ADGRE3: variants seen among roughly 807,000 people sequenced by gnomAD.
ADGRE3 encodes adhesion G protein-coupled receptor E3.
ADGRE3 carries 88 observed loss-of-function variants against 80.1 expected under a neutral mutation model. The ratio of observed to expected loss-of-function variants is 1.10; its 90% confidence interval spans 0.93 to 1.31. The LOEUF is 1.31. Among genes scored for constraint, ADGRE3 ranks in the 40% most tolerant of loss-of-function variants. The pLI is 0.00. For synonymous variants in ADGRE3, 281 were observed against 294.8 expected (o/e 0.95, Z 0.48); for missense variants, 715 against 776.5 (o/e 0.92, Z 0.94).
chr19:14,619,244 A>G lies in ADGRE3; in HGVS notation c.*189T>C, dbSNP rs2075102548. 1.6e-6 allele frequency: 1 copy of G among 613,448 alleles called. No homozygotes were observed. The highest frequency in any genetic ancestry group is 2.9e-6 in the Non-Finnish European group (1 of 346,584). 38.0% of individuals were successfully genotyped at this position (613,448 alleles called of 1,614,324 possible). A position where few individuals can be genotyped will look rare whatever the true frequency, so the allele number is the denominator to read the frequency against. ...ATTGACTGAATACACCATAGTGAAGAGAAATGCAATTTACCACACATTTGT... is the reference window on the plus strand; with the variant it reads ...ATTGACTGAATACACCATAGTGAAGGGAAATGCAATTTACCACACATTTGT... On this transcript the variant is annotated 3_prime_UTR_variant, in exon 16 of 16. Coordinates refer to ENST00000253673, the MANE Select transcript of ADGRE3 (RefSeq NM_032571.5).
intron 14 of ADGRE3, among the ~76,000 whole-genome samples, chr19:14,626,393 C>T (rs1044496055): frequency 4.0e-5 from 6 of 151,882 alleles, no homozygotes; most frequent in East Asian, 3.9e-4. Flanking sequence ...GCTGAGATCA[C>T]GGCACTGCAC....
At chr19:14,668,778 T>C (rs1270458478) in intron 2 of ADGRE3, 24 bp downstream of exon 2, 1 of 1,611,646 alleles carries the variant, frequency 6.2e-7, no homozygotes, top group Non-Finnish European at 8.5e-7. Context: ...CCACAAGTTC[T>C]CTGTTCTGGC....
rs373067590 is a variant in ADGRE3 at position 14,647,339 on chromosome 19, A to T, written c.724T>A (p.Tyr242Asn). 8 of 1,611,204 alleles carry T rather than the reference A, an allele frequency of 5.0e-6. No homozygotes were observed. The highest frequency in any genetic ancestry group is 6.8e-6 in the Non-Finnish European group (8 of 1,177,488). The change falls in exon 8 of 16, where the codon TAT (tyrosine) becomes AAT (asparagine). Residue 242 changes from tyrosine to asparagine, a missense_variant. By Grantham distance (143) the Tyr-to-Asn change is moderately radical. Transcript: ENST00000253673. ...QGPSAIAFIS[Y>N]SSLGNIINAT... The stretch of plus-strand genomic sequence containing the variant: ...TTTATGATGTTTCCAAGAGAAGAAT[A>T]TGAGATAAAGGCAATGGCACTGGGA...
chr19:14,617,771 G>A (rs559076847), downstream of ADGRE3, among the ~76,000 whole-genome samples: 2 of 151,960 alleles, frequency 1.3e-5, no homozygotes, highest in South Asian at 2.1e-4. Context: ...ATTCTTCCAA[G>A]ATTTTAATCT....
Position 14,669,818 on chromosome 19 carries a change from A to C in ADGRE3, c.26-966T>G, listed in dbSNP as rs186527004. ...TGACTATTATTATTTTTTTGGGTAGATACCCAGTAGCGGGATTTCTGGGTC... is the reference window on the plus strand; with the variant it reads ...TGACTATTATTATTTTTTTGGGTAGCTACCCAGTAGCGGGATTTCTGGGTC... On this transcript the variant is annotated intron_variant, in intron 1 of 15. Coordinates refer to ENST00000253673, the MANE Select transcript of ADGRE3 (RefSeq NM_032571.5). 1.9e-3 allele frequency among the ~76,000 whole-genome samples: 286 copies of C among 152,236 alleles called. 3 individuals carry two copies. The highest frequency in any genetic ancestry group is 2.8e-3 in the Non-Finnish European group (189 of 68,024).
chr19:14,638,305 A>T lies in ADGRE3; in HGVS notation c.1284T>A (p.Tyr428Ter), dbSNP rs753389498. Reference protein sequence around the residue: ...LCSIIAGALHYLYLAAFTWML... With the variant: ...LCSIIAGALH The stretch of plus-strand genomic sequence containing the variant: ...TCCAGGTGAAGGCGGCCAGGTAGAG[A>T]TAGTGCAAAGCACCGGCGATGATGG... Residue 428 changes from tyrosine (Y) to a stop codon, truncating the protein, a stop_gained, in exon 11 of 16, where the codon TAT becomes TAA. Coordinates refer to ENST00000253673, the MANE Select transcript of ADGRE3 (RefSeq NM_032571.5). LOFTEE classifies it high-confidence loss of function. The T allele has an allele frequency of 2.7e-5, 44 of 1,614,044 alleles. 1 individual carries two copies. In the South Asian group the frequency reaches 4.7e-4, roughly 17 times the overall value.
At chr19:14,607,365 G>A in the ADGRE3 span, among the ~76,000 whole-genome samples, 2 of 126,126 alleles carry the variant, frequency 1.6e-5, no homozygotes, top group Non-Finnish European at 3.8e-5. Flanking sequence ...CACCATGCCC[G>A]GCTAATTTTT....
At chr19:14,623,273 G>T (rs1970637421) in intron 15 of ADGRE3, among the ~76,000 whole-genome samples, 2 of 107,676 alleles carry the variant, frequency 1.9e-5, no homozygotes, top group African/African-American at 3.7e-5. Flanking sequence ...TATTAAATAT[G>T]CCTAAAATAC....
At chr19:14,649,424 A>C (rs1464052671) in intron 7 of ADGRE3, among the ~76,000 whole-genome samples, 1,844 of 35,090 alleles carry the variant, frequency 0.053, no homozygotes, top group Admixed American at 0.068. Context: ...CCATCTCTCT[A>C]ATTTCATCTC....
rs1189295641 is a variant in ADGRE3, at chr19:14,620,568, ATTTTTTTTTTT to A, written c.1921-1108_1921-1098del. Among the ~76,000 whole-genome samples the A allele has an allele frequency of 6.1e-3, 67 of 11,034 alleles. 2 individuals carry two copies. Among genetic ancestry groups the A allele is most frequent in the African/African-American group, 7.4e-3 (18 of 2,446 alleles). 7.2% of individuals were successfully genotyped at this position (11,034 alleles called of 152,430 possible). ...ATATATTATATATATATATATATAT[ATTTTTTTTTTT>A]TTTTTTTTTTTTTTTTTTGAGACAG... On this transcript the variant is annotated intron_variant, in intron 15 of 15. Coordinates refer to ENST00000253673, the MANE Select transcript of ADGRE3 (RefSeq NM_032571.5).
At chr19:14,615,092 G>T (rs532326972), downstream of ADGRE3, among the ~76,000 whole-genome samples, 24 of 152,136 alleles carry the variant, frequency 1.6e-4, no homozygotes, top group South Asian at 6.2e-4. Context: ...AGGCCCAGAG[G>T]TGGGGTCTCA....
intron 1 of ADGRE3, among the ~76,000 whole-genome samples, chr19:14,674,072 A>G (rs1389475549): frequency 1.3e-5 from 2 of 152,170 alleles, no homozygotes; most frequent in African/African-American, 4.8e-5. Context: ...GTCACAGGAA[A>G]ATGATAAAGG....
At chr19:14,647,133 G>A (rs1034472117) in intron 8 of ADGRE3, 48 bp downstream of exon 8, 1 of 1,506,812 alleles carries the variant, frequency 6.6e-7, no homozygotes, top group Non-Finnish European at 9.2e-7. Flanking sequence ...ACATCGTTTG[G>A]CCTGCCTCCT....
chr19:14,648,087 C>CAAAA (rs60371636), intron 7 of ADGRE3, among the ~76,000 whole-genome samples: 21 of 108,338 alleles, frequency 1.9e-4, no homozygotes, highest in East Asian at 8.3e-4. Flanking sequence ...ATCTCAAAGA[C>CAAAA]AAAAAAAAAA....
intron 1 of ADGRE3, among the ~76,000 whole-genome samples, chr19:14,673,125 G>A (rs985518828): frequency 2.0e-5 from 3 of 152,206 alleles, no homozygotes; most frequent in African/African-American, 7.2e-5. Flanking sequence ...TGCTATGCTA[G>A]GGGTTGCAAA....
chr19:14,653,998 G>A (rs10403201), intron 6 of ADGRE3, among the ~76,000 whole-genome samples: 50,147 of 149,868 alleles, frequency 0.33, 8,863 homozygotes, highest in African/African-American at 0.45. Context: ...TGTCACCCAG[G>A]CTGGAGTGCA....
At chr19:14,620,465 A>AATATATATGT (rs1970524475) in intron 15 of ADGRE3, among the ~76,000 whole-genome samples, 1 of 25,820 alleles carries the variant, frequency 3.9e-5, no homozygotes, top group Non-Finnish European at 7.8e-5. Flanking sequence ...TGAATATATG[A>AATATATATGT]ATATATTATG....
At chr19:14,654,474 A>G (rs1280409320) in intron 6 of ADGRE3, among the ~76,000 whole-genome samples, 2 of 151,810 alleles carry the variant, frequency 1.3e-5, no homozygotes, top group Admixed American at 1.3e-4. Flanking sequence ...TATGTTGCCC[A>G]GGCCAGTCTT....
chr19:14,619,387 G>A lies in ADGRE3; in HGVS notation c.*46C>T. 1.5e-6 allele frequency: 2 copies of A among 1,307,894 alleles called. No homozygotes were observed. The highest frequency in any genetic ancestry group is 4.6e-5 in the East Asian group (2 of 43,508). The allele number at this position is 1,307,894 out of a possible 1,614,324, so 81.0% of individuals were successfully genotyped here. A position where few individuals can be genotyped will look rare whatever the true frequency, so the allele number is the denominator to read the frequency against. ...TAGCTTCATTCTTCATAATGCCAAA[G>A]AGATCCATGGATATGATTTTCCATA... On this transcript the variant is annotated 3_prime_UTR_variant, in exon 16 of 16. Coordinates refer to ENST00000253673, the MANE Select transcript of ADGRE3 (RefSeq NM_032571.5).
Sources: gnomAD v4.1 joint callset for allele counts (sites outside exome capture counted in the v4.1 genomes callset) on GRCh38, gnomAD v4.1.1 for gene constraint, MANE v1.5 for transcripts, NCBI Gene and HGNC (gene_info 2026-07-23, HGNC 2026-07-21) for gene names.